The following LMO7 variants were observed in gnomAD, a reference collection of about 807,000 sequenced individuals.
LMO7 encodes the protein LIM domain 7.
Under a neutral mutation model 206.5 loss-of-function variants are expected in LMO7, and 120 were observed. That is an observed-to-expected ratio of 0.58 (90% CI 0.50 to 0.68). The LOEUF is 0.68. Among genes scored for constraint, LMO7 ranks in the 30% least tolerant of loss-of-function variants. The pLI is 0.00. For synonymous variants in LMO7, 706 were observed against 681.5 expected, an observed-to-expected ratio of 1.04 and a Z score of -0.56; for missense variants, 1,959 against 1,957.9, an observed-to-expected ratio of 1.00 and a Z score of -0.01.
intron 15 of LMO7, among the ~76,000 whole-genome samples, chr13:75,832,433 C>T (rs1566570838): frequency 2.0e-5 from 3 of 152,092 alleles, no homozygotes; most frequent in African/African-American, 7.2e-5. Context: ...GGAGTAATTC[C>T]TTACAGGTGA....
At chr13:75,760,485 C>G in intron 3 of LMO7, 1 of 1,265,612 alleles carries the variant, frequency 7.9e-7, no homozygotes. Context: ...GAATGTTCCT[C>G]CTCTTATTTC....
intron 1 of LMO7, among the ~76,000 whole-genome samples, chr13:75,689,804 T>A (rs2041308706): frequency 6.6e-6 from 1 of 152,226 alleles, no homozygotes; most frequent in Admixed American, 6.5e-5. Context: ...GAGATTGCAC[T>A]GTCAGCTTCT....
At chr13:75,709,624 T>C (rs1206084247) in intron 1 of LMO7, among the ~76,000 whole-genome samples, 6 of 152,236 alleles carry the variant, frequency 3.9e-5, no homozygotes, top group African/African-American at 1.4e-4. Flanking sequence ...TCATATCCTT[T>C]GCCCACTTTT....
intron 1 of LMO7, among the ~76,000 whole-genome samples, chr13:75,643,423 ATGT>A (rs2036738435): frequency 6.6e-6 from 1 of 152,182 alleles, no homozygotes; most frequent in African/African-American, 2.4e-5. Context: ...TGAGTTGTTT[ATGT>A]TGTTCCTGTT....
intron 30 of LMO7, 61 bp from the exon 31 acceptor site, chr13:75,857,860 A>G (rs1407965): frequency 0.083 from 99,176 of 1,191,478 alleles, 4,497 homozygotes; most frequent in East Asian, 0.14. Flanking sequence ...TGTATCCCAG[A>G]TGGCAATATT....
At chr13:75,650,589 T>A (rs772317878) in intron 1 of LMO7, among the ~76,000 whole-genome samples, 1 of 152,222 alleles carries the variant, frequency 6.6e-6, no homozygotes, top group African/African-American at 2.4e-5. Context: ...AAATTTCCTG[T>A]GTATTGCACT....
intron 11 of LMO7, among the ~76,000 whole-genome samples, chr13:75,809,828 ATT>A (rs35825600): frequency 0.063 from 7,671 of 122,208 alleles, 145 homozygotes; most frequent in Admixed American, 0.085. Context: ...CAAAAACTAC[ATT>A]TTTTTTTTTT....
At chr13:75,780,345 T>G (rs762239825) in intron 4 of LMO7, among the ~76,000 whole-genome samples, 9 of 152,160 alleles carry the variant, frequency 5.9e-5, no homozygotes, top group Middle Eastern at 3.4e-3. Context: ...TTTAGAGGCC[T>G]CCCCCTGGGA....
intron 3 of LMO7, among the ~76,000 whole-genome samples, chr13:75,752,476 A>G (rs2139469618): frequency 6.6e-6 from 1 of 152,184 alleles, no homozygotes; most frequent in African/African-American, 2.4e-5. Flanking sequence ...CACAAGTACA[A>G]TTTTCCTACC....
At chr13:75,639,920 A>C (rs1293384862) in intron 1 of LMO7, among the ~76,000 whole-genome samples, 1 of 152,166 alleles carries the variant, frequency 6.6e-6, no homozygotes, top group Non-Finnish European at 1.5e-5. Flanking sequence ...AGGGATGCCA[A>C]CCTGAGCTCA....
intron 1 of LMO7, among the ~76,000 whole-genome samples, chr13:75,644,946 G>T (rs149054247): frequency 1.4e-4 from 22 of 152,278 alleles, no homozygotes; most frequent in Middle Eastern, 3.4e-3. Flanking sequence ...GGACACTGTT[G>T]AGCAATTGCC....
At chr13:75,675,700 G>T (rs756489213) in intron 1 of LMO7, among the ~76,000 whole-genome samples, 4 of 152,144 alleles carry the variant, frequency 2.6e-5, no homozygotes, top group Admixed American at 2.6e-4. Context: ...ACAGAGCTCT[G>T]TATCTAAATG....
chr13:75,622,142 C>T (rs924000492), intron 1 of LMO7: 35 of 210,054 alleles, frequency 1.7e-4, no homozygotes, highest in African/African-American at 4.3e-4. Flanking sequence ...GATACAGGCA[C>T]GGAATACATA....
At chr13:75,818,060 T>C (rs1239188196) in intron 12 of LMO7, among the ~76,000 whole-genome samples, 1 of 152,198 alleles carries the variant, frequency 6.6e-6, no homozygotes, top group African/African-American at 2.4e-5. Context: ...TAATAGTCTC[T>C]GAAATGAAGA....
At chr13:75,796,863 A>G in intron 6 of LMO7, 114 bp downstream of exon 6, 1 of 671,044 alleles carries the variant, frequency 1.5e-6, no homozygotes, top group Non-Finnish European at 2.6e-6. Context: ...GGCAACTCCG[A>G]CTCTCTTTGT....
At chr13:75,785,099 C>T (rs982528623) in intron 4 of LMO7, among the ~76,000 whole-genome samples, 3 of 151,982 alleles carry the variant, frequency 2.0e-5, no homozygotes, top group Non-Finnish European at 2.9e-5. Context: ...CTACCATTGT[C>T]TTTGGGTGAC....
intron 28 of LMO7, 140 bp downstream of exon 28, chr13:75,853,528 G>A: frequency 1.4e-6 from 1 of 727,412 alleles, no homozygotes; most frequent in Non-Finnish European, 2.2e-6. Context: ...ATTCTAGTAT[G>A]AAATCAATGA....
intron 11 of LMO7, among the ~76,000 whole-genome samples, chr13:75,812,231 A>T (rs1411472909): frequency 6.6e-6 from 1 of 152,230 alleles, no homozygotes; most frequent in African/African-American, 2.4e-5. Flanking sequence ...CAGTGGTGCT[A>T]CTGAGGAACC....
At chr13:75,778,224 T>A (rs950583124) in intron 4 of LMO7, among the ~76,000 whole-genome samples, 1 of 152,020 alleles carries the variant, frequency 6.6e-6, no homozygotes, top group African/African-American at 2.4e-5. Context: ...CTGTGGTTTT[T>A]ATTTATTTAT....
Sources: gnomAD v4.1 joint callset for allele counts (sites outside exome capture counted in the v4.1 genomes callset) on GRCh38, gnomAD v4.1.1 for gene constraint, MANE v1.5 for transcripts, NCBI Gene and HGNC (gene_info 2026-07-23, HGNC 2026-07-21) for gene names.